Variants in CDH20 observed in about 807,000 individuals in gnomAD.
The protein encoded by CDH20 is cadherin 20.
CDH20 carries 29 observed loss-of-function variants against 74.2 expected under a neutral mutation model. The ratio of observed to expected loss-of-function variants is 0.39; its 90% CI spans 0.29 to 0.53. The LOEUF (loss-of-function observed/expected upper bound fraction) is 0.53. Ranked by LOEUF, CDH20 falls within the 20% of genes least tolerant of loss-of-function variation. The pLI is 0.69. For missense variants in CDH20, 988 were observed against 1,048.3 expected (o/e 0.94, Z 0.79); for synonymous variants, 469 against 405.4 (o/e 1.16, Z -1.88).
rs752006614 is a variant in CDH20, at chr18:61,554,882, C to G, written c.*187C>G. The G allele has an allele frequency of 6.7e-5, 94 of 1,397,200 alleles. No individual in the cohort carries two copies. Among genetic ancestry groups the G allele is most frequent in the Non-Finnish European group, 8.3e-5 (89 of 1,078,024 alleles). 86.6% of individuals were successfully genotyped at this position (1,397,200 alleles called of 1,614,324 possible). On this transcript the variant is annotated 3_prime_UTR_variant, in exon 12 of 12. Coordinates refer to ENST00000262717, the MANE Select transcript of CDH20 (RefSeq NM_031891.4). ...TAAGTTAAATAAGCAAAAGGAAACC[C>G]AGAAGGAAGAGGGCAGAATCTTTAA... is the stretch of plus-strand genomic sequence containing the variant.
intron 1 of CDH20, among the ~76,000 whole-genome samples, chr18:61,474,794 G>T (rs913700719): frequency 6.6e-6 from 1 of 152,134 alleles, no homozygotes; most frequent in Non-Finnish European, 1.5e-5. Context: ...GACCAGAGTG[G>T]CAGGGGGCAC....
At chr18:61,519,201 G>C (rs1041338157) in intron 6 of CDH20, among the ~76,000 whole-genome samples, 1 of 151,270 alleles carries the variant, frequency 6.6e-6, no homozygotes, top group Non-Finnish European at 1.5e-5. Flanking sequence ...ACACTTTTCA[G>C]GGTATTATCC....
chr18:61,374,339 G>A (rs995095897), intron 1 of CDH20, among the ~76,000 whole-genome samples: 2 of 152,006 alleles, frequency 1.3e-5, no homozygotes, highest in Non-Finnish European at 2.9e-5. Context: ...CAAATGAGGG[G>A]AAATTTCTGT....
chr18:61,384,679 AAAT>A (rs1422290465), intron 1 of CDH20, among the ~76,000 whole-genome samples: 1 of 152,164 alleles, frequency 6.6e-6, no homozygotes, highest in African/African-American at 2.4e-5. Context: ...GCTTAGCCCC[AAAT>A]AATAACCAAT....
At chr18:61,444,486 T>C (rs1294312187) in intron 1 of CDH20, among the ~76,000 whole-genome samples, 1 of 152,196 alleles carries the variant, frequency 6.6e-6, no homozygotes, top group Admixed American at 6.5e-5. Context: ...AAAAACAGAC[T>C]GAAGTTGGCA....
At chr18:61,522,885 C>G (rs1175112853) in intron 6 of CDH20, among the ~76,000 whole-genome samples, 3 of 152,130 alleles carry the variant, frequency 2.0e-5, no homozygotes, top group Non-Finnish European at 2.9e-5. Flanking sequence ...AAACTGGACC[C>G]CTTCCTTATG....
rs150892791 is a variant in CDH20 at position 61,490,708 on chromosome 18, A to G, written c.155A>G (p.Gln52Arg). The change falls in exon 2 of 12, where the codon CAG (glutamine) becomes CGG (arginine). Residue 52 changes from glutamine (Q) to arginine (R), a missense_variant. By Grantham distance (43) the Gln-to-Arg change is conservative (BLOSUM62 1). This residue lies in a region of CDH20 where 613 missense variants were observed against 755.2 expected (regional missense o/e 0.81). Transcript: ENST00000262717. Reference sequence around the variant, plus strand: ...GAAGCACTCCTGTCAGACAAGCCACAGTCACATCAGCGGACCAAGAGGAGC... The same window carrying G: ...GAAGCACTCCTGTCAGACAAGCCACGGTCACATCAGCGGACCAAGAGGAGC... ...ELEALLSDKP[Q>R]SHQRTKRSWV... is the part of the protein sequence containing the mutation. 71 of 1,614,192 alleles carry G rather than the reference A, an allele frequency of 4.4e-5. No individual in the cohort carries two copies. The African/African-American group carries it at 9.1e-4, about 21-fold the overall frequency.
chr18:61,466,627 G>A (rs117376949), intron 1 of CDH20, among the ~76,000 whole-genome samples: 1 of 152,160 alleles, frequency 6.6e-6, no homozygotes, highest in African/African-American at 2.4e-5. Flanking sequence ...TCCACAACTT[G>A]AGGCCAGCTT....
chr18:61,335,509 G>A (rs543937810), intron 1 of CDH20, among the ~76,000 whole-genome samples: 8 of 152,330 alleles, frequency 5.3e-5, no homozygotes, highest in African/African-American at 1.9e-4. Context: ...ATGAAGAGCA[G>A]GAGGGAAGTG....
At chr18:61,382,487 T>C (rs148121032) in intron 1 of CDH20, among the ~76,000 whole-genome samples, 1 of 152,330 alleles carries the variant, frequency 6.6e-6, no homozygotes, top group East Asian at 1.9e-4. Flanking sequence ...ATGGGGAATA[T>C]AGTCCCCACT....
chr18:61,509,385 C>T (rs1911699577), intron 6 of CDH20, among the ~76,000 whole-genome samples: 1 of 152,108 alleles, frequency 6.6e-6, no homozygotes, highest in Non-Finnish European at 1.5e-5. Flanking sequence ...GCATACGTGG[C>T]AGTCCTAGAG....
chr18:61,444,506 A>G (rs968793800), intron 1 of CDH20, among the ~76,000 whole-genome samples: 14 of 152,176 alleles, frequency 9.2e-5, no homozygotes, highest in African/African-American at 3.4e-4. Context: ...AGCTATGGGA[A>G]AAGTTGGTAA....
intron 1 of CDH20, among the ~76,000 whole-genome samples, chr18:61,462,283 G>A (rs998228698): frequency 1.2e-4 from 19 of 152,072 alleles, no homozygotes; most frequent in Admixed American, 1.0e-3. Flanking sequence ...ACATCACCTT[G>A]TACCCCATAA....
At chr18:61,430,702 T>A (rs1913224132) in intron 1 of CDH20, among the ~76,000 whole-genome samples, 1 of 152,196 alleles carries the variant, frequency 6.6e-6, no homozygotes, top group African/African-American at 2.4e-5. Context: ...CAATACTATA[T>A]CATTTATTTT....
In CDH20 at chr18:61,461,322, G is replaced by A. The variant is rs564595132; in HGVS notation, c.-152-29080G>A. Among the ~76,000 whole-genome samples the A allele has an allele frequency of 3.1e-3, 389 of 126,632 alleles. 3 individuals carry two copies. Among genetic ancestry groups the A allele is most frequent in the African/African-American group, 0.013 (366 of 28,112 alleles). The allele number at this position is 126,632 out of a possible 152,430, so 83.1% of individuals were successfully genotyped here. On this transcript the variant is annotated intron_variant, in intron 1 of 11. Coordinates refer to ENST00000262717, the MANE Select transcript of CDH20 (RefSeq NM_031891.4). ...GACGTAACAAAGTACCACAAGCTGG[G>A]TGACTTAAAAAAAAAAAAAAAAAAA...
chr18:61,532,787 G>A (rs995321433), intron 7 of CDH20, among the ~76,000 whole-genome samples: 7 of 152,058 alleles, frequency 4.6e-5, no homozygotes, highest in African/African-American at 1.7e-4. Flanking sequence ...TCTCTACAAC[G>A]TTAAGATATG....
chr18:61,503,733 G>A (rs937295317), intron 5 of CDH20, among the ~76,000 whole-genome samples: 1 of 152,164 alleles, frequency 6.6e-6, no homozygotes, highest in Non-Finnish European at 1.5e-5. Flanking sequence ...CTACACACAA[G>A]AAAAATTAAA....
At chr18:61,441,656 G>A (rs553554277) in intron 1 of CDH20, among the ~76,000 whole-genome samples, 1 of 152,274 alleles carries the variant, frequency 6.6e-6, no homozygotes, top group African/African-American at 2.4e-5. Context: ...GGCAACTTAA[G>A]TATTTGATAG....
intron 5 of CDH20, among the ~76,000 whole-genome samples, chr18:61,506,300 A>G (rs1911558291): frequency 2.0e-5 from 3 of 152,292 alleles, no homozygotes; most frequent in African/African-American, 7.2e-5. Flanking sequence ...ATGAAATCCA[A>G]TTCCCTGCCA....
Sources: allele counts gnomAD v4.1 joint callset (sites outside exome capture counted in the v4.1 genomes callset), GRCh38; gene constraint gnomAD v4.1.1; regional missense constraint gnomAD v4.1.1; transcripts MANE v1.5; gene names NCBI Gene and HGNC (gene_info 2026-07-23, HGNC 2026-07-21).